The following FAAP100 variants were observed in gnomAD, a reference collection of about 807,000 sequenced individuals.
The protein encoded by FAAP100 is FA core complex associated protein 100.
A neutral mutation model predicts 65.8 loss-of-function variants in FAAP100; 46 were observed. The observed-to-expected ratio is 0.70, with a 90% confidence interval of 0.55 to 0.89. FAAP100 has a LOEUF of 0.89. FAAP100 is among the 40% of genes least tolerant of loss of function. FAAP100 has a pLI of 0.00. For missense variants in FAAP100, 1,165 were observed against 1,196.7 expected, an observed-to-expected ratio of 0.97 and a Z score of 0.39; for synonymous variants, 663 against 555.1, an observed-to-expected ratio of 1.19 and a Z score of -2.73.
chr17:81,548,318 C>T (rs562347822), intron 4 of FAAP100: 8 of 364,020 alleles, frequency 2.2e-5, no homozygotes, highest in Admixed American at 8.0e-5. Context: ...CAGCAGGGGA[C>T]GTCTCCCGTG....
At chr17:81,548,739 A>G (rs2033394123) in intron 4 of FAAP100, among the ~76,000 whole-genome samples, 3 of 150,120 alleles carry the variant, frequency 2.0e-5, no homozygotes, top group Non-Finnish European at 4.4e-5. Flanking sequence ...ATTCTCTCTC[A>G]AAAAAAGAGG....
chr17:81,549,840 CG>C (rs1568098395), intron 3 of FAAP100, among the ~76,000 whole-genome samples: 1 of 152,212 alleles, frequency 6.6e-6, no homozygotes, highest in East Asian at 1.9e-4. Context: ...AGCAGACTCA[CG>C]GGCAAGCCAC....
Position 81,547,161 on chromosome 17 carries a change from G to T in FAAP100, c.1921C>A (p.Pro641Thr). The change falls in exon 5 of 9, where the codon CCC becomes ACC. Residue 641 changes from proline to threonine, a missense_variant. By Grantham distance (38) the Pro-to-Thr change is conservative. Coordinates refer to ENST00000327787, the MANE Select transcript of FAAP100 (RefSeq NM_025161.6). ...ATGTCCACTGTGTGCCTGCTCAGGGGCAGGCAAACACCCTCTTGCTCGGGC... is the reference window on the plus strand; with the variant it reads ...ATGTCCACTGTGTGCCTGCTCAGGGTCAGGCAAACACCCTCTTGCTCGGGC... ...VLPEQEGVCLPLSRHTVDMLQ... is the reference protein window; with the variant it reads ...VLPEQEGVCLTLSRHTVDMLQ... 7 of 1,543,250 alleles carry T rather than the reference G, an allele frequency of 4.5e-6. No homozygotes were observed. Among genetic ancestry groups the T allele is most frequent in the Non-Finnish European group, 5.3e-6 (6 of 1,142,768 alleles).
In FAAP100 at chr17:81,540,225, T is replaced by G. The variant is rs975833330; in HGVS notation, c.*594A>C. ...GGTGTGGCACGAGACCACGGGCACTTGCAGGAGCTCCCTGCATGCTGTTTT... is the reference window on the plus strand; with the variant it reads ...GGTGTGGCACGAGACCACGGGCACTGGCAGGAGCTCCCTGCATGCTGTTTT... On this transcript the variant is annotated 3_prime_UTR_variant, in exon 9 of 9. Coordinates refer to ENST00000327787, the MANE Select transcript of FAAP100 (RefSeq NM_025161.6). The G allele has an allele frequency of 2.8e-5, 11 of 398,976 alleles. No individual in the cohort carries two copies. The highest frequency in any genetic ancestry group is 2.1e-4 in the African/African-American group (10 of 48,748). The allele number at this position is 398,976 out of a possible 1,614,324, so 24.7% of individuals were successfully genotyped here.
In FAAP100 at chr17:81,540,607, C is replaced by T. The variant is rs2033052093; in HGVS notation, c.*212G>A. The T allele has an allele frequency of 4.8e-6, 3 of 620,252 alleles. No individual in the cohort carries two copies. Among genetic ancestry groups the T allele is most frequent in the East Asian group, 6.3e-5 (2 of 31,732 alleles). 38.4% of individuals were successfully genotyped at this position (620,252 alleles called of 1,614,324 possible). A position where few individuals can be genotyped will look rare whatever the true frequency, so the allele number is the denominator to read the frequency against. On this transcript the variant is annotated 3_prime_UTR_variant, in exon 9 of 9. Coordinates refer to ENST00000327787, the MANE Select transcript of FAAP100 (RefSeq NM_025161.6). ...GACGCGAAGCTGGACCGGCCAGGTT[C>T]AGAGCCCGCCTCGGTTGCTCCCAAT...
chr17:81,543,410 T>A (rs968363902), intron 7 of FAAP100, among the ~76,000 whole-genome samples: 2 of 152,174 alleles, frequency 1.3e-5, no homozygotes, highest in African/African-American at 4.8e-5. Flanking sequence ...CGGGCGGGCG[T>A]GACGGATGCC....
chr17:81,547,398 C>T lies in FAAP100; in HGVS notation c.1684G>A (p.Ala562Thr), dbSNP rs751720317. 2.0e-5 allele frequency: 32 copies of T among 1,612,786 alleles called. 1 individual carries two copies. The Admixed American group carries it at 5.2e-4, about 26-fold the overall frequency. Residue 562 changes from alanine to threonine, a missense_variant, in exon 5 of 9, where the codon GCC becomes ACC. Coordinates refer to ENST00000327787, the MANE Select transcript of FAAP100 (RefSeq NM_025161.6). ...TCCACGGGGATGGTGTAGGTGATGG[C>T]GGAGCAGGCCGAGTCCAGGTCGAGA... is the stretch of plus-strand genomic sequence containing the variant. ...CALDLDSACS[A>T]ITYTIPVDQL...
At chr17:81,544,715 C>A (rs1255802556) in intron 6 of FAAP100, among the ~76,000 whole-genome samples, 1 of 152,226 alleles carries the variant, frequency 6.6e-6, no homozygotes, top group Non-Finnish European at 1.5e-5. Flanking sequence ...AGGTGAGACG[C>A]CAGGGGCCTG....
At chr17:81,551,700 G>T in intron 2 of FAAP100, 4 of 1,328,234 alleles carry the variant, frequency 3.0e-6, no homozygotes, top group Non-Finnish European at 3.8e-6. Context: ...CCCGCGCCCC[G>T]CCGTGGGCTT....
Position 81,540,903 on chromosome 17 carries a change from CT to C in FAAP100, c.2561del (p.Glu854GlyfsTer91). The C allele has an allele frequency of 6.3e-7, 1 of 1,590,560 alleles. No homozygotes were observed. On this transcript the variant is annotated frameshift_variant, in exon 9 of 9. Coordinates refer to ENST00000327787, the MANE Select transcript of FAAP100 (RefSeq NM_025161.6). LOFTEE classifies it high-confidence loss of function. ...CGGTGGCACAGGAGCTGGCCTCATC[CT>C]CCGTGCAGAGCCGGTCGCGCAGGGT... ...VQTLRDRLCT[E>X]DEASSCATAQ... is the part of the protein sequence containing the mutation.
intron 8 of FAAP100, 120 bp downstream of exon 8, chr17:81,541,189 G>A: frequency 8.1e-7 from 1 of 1,227,902 alleles, no homozygotes; most frequent in Non-Finnish European, 1.1e-6. Flanking sequence ...CCAGGCCCAT[G>A]GGAGCGAAGC....
chr17:81,547,772 C>A, intron 4 of FAAP100, 94 bp from the exon 5 acceptor site: 1 of 1,444,080 alleles, frequency 6.9e-7, no homozygotes, highest in South Asian at 1.1e-5. Flanking sequence ...CCGAGCCTGG[C>A]TCCACGACAA....
At chr17:81,544,204 C>G (rs2033215617) in intron 6 of FAAP100, 84 bp from the exon 7 acceptor site, 3 of 1,159,858 alleles carry the variant, frequency 2.6e-6, no homozygotes, top group East Asian at 4.8e-5. Context: ...GCCTCCCCAG[C>G]TGGCAGCACG....
chr17:81,541,264 T>A, intron 8 of FAAP100, 45 bp downstream of exon 8: 3 of 1,557,162 alleles, frequency 1.9e-6, no homozygotes, highest in Non-Finnish European at 2.6e-6. Context: ...TGGGCGCTCC[T>A]GGCTACCCAG....
Position 81,550,367 on chromosome 17 carries a change from G to A in FAAP100, c.1127C>T (p.Thr376Ile), listed in dbSNP as rs61745641. 5,037 of 1,612,836 alleles carry A rather than the reference G, an allele frequency of 3.1e-3. 152 individuals carry two copies. The African/African-American group carries it at 0.061, about 19-fold the overall frequency. ...TTCGGGCTGCTCAGGGCCCAGCGGG[G>A]TGCTTCCCCGAGACAGATCCACCAC... ...LCVVDLSRGS[T>I]PLGPEQPEEG... The change falls in exon 3 of 9, where the codon ACC becomes ATC. Residue 376 changes from threonine (T) to isoleucine (I), a missense_variant. By Grantham distance (89) the Thr-to-Ile change is moderately conservative. Coordinates refer to ENST00000327787, the MANE Select transcript of FAAP100 (RefSeq NM_025161.6).
Position 81,540,682 on chromosome 17 carries a change from T to C in FAAP100, c.*137A>G, listed in dbSNP as rs1344868398. ...CCTCCAAGCACTTTCATGAGCGTTCTGCTCCTACGTGGCCAGGTCCTACCT... is the reference window on the plus strand; with the variant it reads ...CCTCCAAGCACTTTCATGAGCGTTCCGCTCCTACGTGGCCAGGTCCTACCT... On this transcript the variant is annotated 3_prime_UTR_variant, in exon 9 of 9. Coordinates refer to ENST00000327787, the MANE Select transcript of FAAP100 (RefSeq NM_025161.6). 4.3e-6 allele frequency: 5 copies of C among 1,171,740 alleles called. No homozygotes were observed. The African/African-American group carries it at 6.2e-5, about 15-fold the overall frequency. The allele number at this position is 1,171,740 out of a possible 1,614,324, so 72.6% of individuals were successfully genotyped here.
At chr17:81,542,145 C>A (rs1294311246) in intron 7 of FAAP100, among the ~76,000 whole-genome samples, 1 of 117,252 alleles carries the variant, frequency 8.5e-6, no homozygotes. Flanking sequence ...CCAGCCTGGG[C>A]GACAGAGTGA....
upstream of FAAP100, among the ~76,000 whole-genome samples, chr17:81,552,757 G>A (rs948651156): frequency 1.3e-5 from 2 of 152,220 alleles, no homozygotes; most frequent in Admixed American, 6.5e-5. Context: ...TCGGAGAGCA[G>A]CTGGGTCCTG....
chr17:81,544,218 G>C (rs887510111), intron 6 of FAAP100, 98 bp from the exon 7 acceptor site: 1 of 973,004 alleles, frequency 1.0e-6, no homozygotes, highest in Non-Finnish European at 1.6e-6. Context: ...CAGCACGTGA[G>C]GCCCTGAGAT....
Sources: allele counts gnomAD v4.1 joint callset (sites outside exome capture counted in the v4.1 genomes callset), GRCh38; gene constraint gnomAD v4.1.1; transcripts MANE v1.5; gene names NCBI Gene and HGNC (gene_info 2026-07-23, HGNC 2026-07-21).